The following ROBO1 variants were observed in gnomAD, a reference collection of about 807,000 sequenced individuals.
ROBO1 encodes roundabout guidance receptor 1, also known as roundabout homolog 1.
Under a neutral mutation model 195.9 loss-of-function variants are expected in ROBO1, and 149 were observed. That is an observed-to-expected ratio of 0.76 (90% CI 0.67 to 0.87). The LOEUF is 0.87. ROBO1 is among the 40% of genes least tolerant of loss of function. The pLI, the probability that ROBO1 is intolerant of heterozygous loss-of-function variation, is 0.00. For synonymous variants in ROBO1, 816 were observed against 733.2 expected (o/e 1.11, Z -1.82); for missense variants, 1,933 against 2,068.3 (o/e 0.93, Z 1.27).
At chr3:79,754,091 C>G (rs555980923) in intron 1 of ROBO1, among the ~76,000 whole-genome samples, 109 of 151,988 alleles carry the variant, frequency 7.2e-4, no homozygotes, top group African/African-American at 2.2e-3. Flanking sequence ...GACCAATGTT[C>G]TTTCTAGGAT....
At chr3:78,616,269 A>G (rs538734850) in intron 27 of ROBO1, among the ~76,000 whole-genome samples, 4 of 152,320 alleles carry the variant, frequency 2.6e-5, no homozygotes, top group South Asian at 4.1e-4. Context: ...AGGTTAAAAA[A>G]TAAGGAGAAA....
intron 2 of ROBO1, among the ~76,000 whole-genome samples, chr3:79,416,428 A>C (rs1278572942): frequency 6.7e-6 from 1 of 148,944 alleles, no homozygotes; most frequent in Non-Finnish European, 1.5e-5. Flanking sequence ...ACATAGTAAA[A>C]CCCCATCTCT....
intron 3 of ROBO1, among the ~76,000 whole-genome samples, chr3:79,109,221 T>C (rs1236340510): frequency 6.6e-6 from 1 of 151,878 alleles, no homozygotes; most frequent in Non-Finnish European, 1.5e-5. Flanking sequence ...CAAAGTTCTG[T>C]TATATAGTAG....
chr3:79,547,424 A>T (rs995485093), intron 2 of ROBO1, among the ~76,000 whole-genome samples: 9 of 152,110 alleles, frequency 5.9e-5, no homozygotes, highest in African/African-American at 2.2e-4. Context: ...AACTTTCTCT[A>T]GAAGTTTTTA....
intron 3 of ROBO1, among the ~76,000 whole-genome samples, chr3:79,029,034 G>A (rs2078249751): frequency 6.6e-6 from 1 of 152,134 alleles, no homozygotes; most frequent in South Asian, 2.1e-4. Context: ...AGCTGGGAGA[G>A]TATAGTGTTT....
chr3:79,546,566 A>G (rs1304349637), intron 2 of ROBO1, among the ~76,000 whole-genome samples: 3 of 152,182 alleles, frequency 2.0e-5, no homozygotes, highest in Admixed American at 6.5e-5. Context: ...TGTATAGGAT[A>G]CACTCCACTT....
intron 2 of ROBO1, among the ~76,000 whole-genome samples, chr3:79,177,227 T>TA (rs2108719562): frequency 6.6e-6 from 1 of 152,288 alleles, no homozygotes; most frequent in South Asian, 2.1e-4. Context: ...ATAATAAACT[T>TA]ACGTTTCAAA....
At chr3:78,660,903 G>C (rs776177916) in intron 16 of ROBO1, 127 bp downstream of exon 16, 3 of 700,258 alleles carry the variant, frequency 4.3e-6, no homozygotes, top group Non-Finnish European at 6.9e-6. Flanking sequence ...TTAGCAAAAT[G>C]TATGTTCAAT....
At chr3:79,446,300 A>T (rs2039253700) in intron 2 of ROBO1, among the ~76,000 whole-genome samples, 1 of 152,190 alleles carries the variant, frequency 6.6e-6, no homozygotes, top group South Asian at 2.1e-4. Flanking sequence ...CTAAAATTGT[A>T]TTTATCATAA....
chr3:79,052,678 A>G (rs1007029329), intron 3 of ROBO1, among the ~76,000 whole-genome samples: 1 of 152,002 alleles, frequency 6.6e-6, no homozygotes, highest in Non-Finnish European at 1.5e-5. Context: ...TATTTCTCAG[A>G]CTGGCCAACA....
intron 1 of ROBO1, among the ~76,000 whole-genome samples, chr3:79,704,049 A>AT (rs915372398): frequency 1.6e-4 from 24 of 151,870 alleles, no homozygotes; most frequent in African/African-American, 5.8e-4. Flanking sequence ...GAATTTTTGT[A>AT]TTTTTTAATA....
chr3:79,292,779 A>G (rs529507146), intron 2 of ROBO1, among the ~76,000 whole-genome samples: 52 of 152,336 alleles, frequency 3.4e-4, no homozygotes, highest in African/African-American at 9.9e-4. Context: ...TCGGTTTGCC[A>G]GTATTTTATT....
At chr3:78,976,654 A>G (rs976110079) in intron 3 of ROBO1, among the ~76,000 whole-genome samples, 1 of 152,150 alleles carries the variant, frequency 6.6e-6, no homozygotes, top group South Asian at 2.1e-4. Context: ...TCTCAATCCT[A>G]TGCTGATTCT....
chr3:79,735,577 A>T (rs1200333278), intron 1 of ROBO1, among the ~76,000 whole-genome samples: 1 of 152,222 alleles, frequency 6.6e-6, no homozygotes, highest in Non-Finnish European at 1.5e-5. Flanking sequence ...TTTTGCAAAA[A>T]GGTCTGACAC....
chr3:78,999,433 T>C (rs551724691), intron 3 of ROBO1, among the ~76,000 whole-genome samples: 1 of 152,198 alleles, frequency 6.6e-6, no homozygotes, highest in South Asian at 2.1e-4. Flanking sequence ...TAAGCAAATT[T>C]ACACAGGAAC....
chr3:79,598,944 A>T (rs1944260354), intron 1 of ROBO1, among the ~76,000 whole-genome samples: 1 of 152,102 alleles, frequency 6.6e-6, no homozygotes, highest in African/African-American at 2.4e-5. Flanking sequence ...CTGCTGGCAC[A>T]ACCAGCATTC....
intron 10 of ROBO1, among the ~76,000 whole-genome samples, chr3:78,672,243 A>G (rs903103808): frequency 1.7e-5 from 2 of 119,974 alleles, no homozygotes; most frequent in African/African-American, 5.4e-5. Context: ...CCTCTTTGGT[A>G]AAAACAACAA....
intron 3 of ROBO1, among the ~76,000 whole-genome samples, chr3:78,971,155 G>A (rs1179353170): frequency 1.3e-5 from 2 of 152,146 alleles, no homozygotes; most frequent in Admixed American, 6.5e-5. Flanking sequence ...ACTTTGGGAG[G>A]CTGAGGTAGG....
chr3:78,947,635 C>T (rs918867987), intron 3 of ROBO1, among the ~76,000 whole-genome samples: 2 of 152,126 alleles, frequency 1.3e-5, no homozygotes, highest in Non-Finnish European at 2.9e-5. Context: ...AAAGTAAACA[C>T]ATTCAAAAGC....
Sources: gnomAD v4.1 joint callset for allele counts (sites outside exome capture counted in the v4.1 genomes callset) on GRCh38, gnomAD v4.1.1 for gene constraint, MANE v1.5 for transcripts, NCBI Gene and HGNC (gene_info 2026-07-23, HGNC 2026-07-21) for gene names.